Variants in KIR2DL4 observed in about 807,000 individuals in gnomAD.
KIR2DL4 encodes killer cell immunoglobulin-like receptor 2DL4.
A neutral mutation model predicts 31.0 loss-of-function variants in KIR2DL4; 41 were observed. The ratio of observed to expected loss-of-function variants is 1.32; its 90% CI spans 1.03 to 1.72. The LOEUF is 1.72. Ranked by LOEUF, KIR2DL4 falls within the 40% of genes most tolerant of loss-of-function variation. KIR2DL4 has a pLI of 0.00. For synonymous variants in KIR2DL4, 164 were observed against 133.6 expected, an observed-to-expected ratio of 1.23 and a Z score of -1.57; for missense variants, 438 against 353.7, an observed-to-expected ratio of 1.24 and a Z score of -1.91.
chr19:54,804,933 C>T (rs1214317408), exon 3 of KIR2DL4: 4 of 1,612,116 alleles, frequency 2.5e-6, no homozygotes, highest in Non-Finnish European at 3.4e-6. Flanking sequence ...TGTCCCTGAG[C>T]TCTACAACAG....
Position 54,805,278 on chromosome 19 carries a change from G to A in KIR2DL4, c.361+201G>A, listed in dbSNP as rs931165855. ...CCACATTGTAATCCTTGGAGCCTGT[G>A]ACTATGTTATAGGGCAGGGGACTGA... On this transcript the variant is annotated intron_variant, in intron 3 of 7. Coordinates refer to ENST00000359085, the Ensembl canonical transcript of KIR2DL4. 2.6e-5 allele frequency among the ~76,000 whole-genome samples: 4 copies of A among 151,444 alleles called. 1 individual carries two copies. The highest frequency in any genetic ancestry group is 9.7e-5 in the African/African-American group (4 of 41,056).
Position 54,806,126 on chromosome 19 carries a change from G to A in KIR2DL4, c.537G>A (p.Gln179=), listed in dbSNP as rs577091862. Residue 179 remains glutamine, a synonymous_variant, in exon 4 of 8, where the codon CAG becomes CAA. Coordinates refer to ENST00000359085, the Ensembl canonical transcript of KIR2DL4. Reference sequence around the variant, plus strand: ...TGCCCAGCATCAATGGAACATTCCAGGCCGACTTCCCTCTGGGTCCTGCCA... The same window carrying A: ...TGCCCAGCATCAATGGAACATTCCAAGCCGACTTCCCTCTGGGTCCTGCCA... 101 of 1,612,120 alleles carry A rather than the reference G, an allele frequency of 6.3e-5. 2 individuals are homozygous for A. The East Asian group carries it at 2.2e-3, about 35-fold the overall frequency.
In KIR2DL4 at chr19:54,805,964, A is replaced by C. The variant is rs886450454; in HGVS notation, c.375A>C (p.Lys125Asn). ...TTCTCCTTCCAGGTCTATATGAGAAACCTTCGCTTACAGCCCGGCCGGGCC... is the reference window on the plus strand; with the variant it reads ...TTCTCCTTCCAGGTCTATATGAGAACCCTTCGCTTACAGCCCGGCCGGGCC... Residue 125 changes from lysine to asparagine, a missense_variant, in exon 4 of 8, where the codon AAA (lysine) becomes AAC (asparagine). Transcript: ENST00000359085. 2.1e-4 allele frequency: 330 copies of C among 1,606,312 alleles called. 4 individuals are homozygous for C. The highest frequency in any genetic ancestry group is 2.7e-4 in the Non-Finnish European group (318 of 1,178,058).
At chr19:54,806,711 A>T (rs1176927837) in intron 4 of KIR2DL4, among the ~76,000 whole-genome samples, 2 of 151,198 alleles carry the variant, frequency 1.3e-5, no homozygotes, top group East Asian at 3.9e-4. Flanking sequence ...TCTAGGGATC[A>T]TAAATACCTT....
chr19:54,809,323 C>A (rs1332085083), intron 5 of KIR2DL4, among the ~76,000 whole-genome samples: 3 of 150,642 alleles, frequency 2.0e-5, no homozygotes, highest in East Asian at 3.9e-4. Context: ...AAGAGCTTTG[C>A]GGTAAGAGAG....
At chr19:54,809,387 C>A (rs2060718745) in intron 5 of KIR2DL4, among the ~76,000 whole-genome samples, 1 of 150,826 alleles carries the variant, frequency 6.6e-6, no homozygotes. Context: ...AGCCACTGCC[C>A]CATGCTCAGA....
chr19:54,806,460 C>G (rs1043576254), intron 4 of KIR2DL4, among the ~76,000 whole-genome samples: 8 of 151,094 alleles, frequency 5.3e-5, no homozygotes, highest in Admixed American at 1.3e-4. Flanking sequence ...GGTACCCAGG[C>G]AGATGGAGAA....
rs1211417992 is a variant in KIR2DL4, at chr19:54,810,979, C to G, written c.706+2096C>G. 1.3e-5 allele frequency among the ~76,000 whole-genome samples: 2 copies of G among 151,238 alleles called. 1 individual carries two copies. The highest frequency in any genetic ancestry group is 4.9e-5 in the African/African-American group (2 of 40,894). On this transcript the variant is annotated intron_variant, in intron 5 of 7. Transcript: ENST00000359085. ...GGAGGGCTTGCCTGGTTTGATTTTTCCTAATTGTTTAATCTTCACTTCATT... is the reference window on the plus strand; with the variant it reads ...GGAGGGCTTGCCTGGTTTGATTTTTGCTAATTGTTTAATCTTCACTTCATT...
chr19:54,803,730 T>A, intron 1 of KIR2DL4, 39 bp downstream of exon 1: 1 of 1,601,944 alleles, frequency 6.2e-7, no homozygotes, highest in Non-Finnish European at 8.5e-7. Context: ...GGTTACACTA[T>A]GGGCCTGCAG....
Position 54,803,634 on chromosome 19 carries a change from G to A in KIR2DL4, c.-18G>A, listed in dbSNP as rs1386774504. On this transcript the variant is annotated 5_prime_UTR_variant, in exon 1 of 8. Coordinates refer to ENST00000359085, the Ensembl canonical transcript of KIR2DL4. ...CAGTCGAGCCGAGTCACTGCGTCCT[G>A]GCAGCAGAAGCTGCACCATGTCCAT... 5.0e-6 allele frequency: 8 copies of A among 1,611,990 alleles called. No homozygotes were observed. The African/African-American group carries it at 8.1e-5, about 16-fold the overall frequency.
At position 54,814,380 on chromosome 19, in the gene KIR2DL4, ACGTGCTGTTCCACCTTCCCT is replaced by A. The variant is rs958908386; in HGVS notation, c.*597_*616del. Reference sequence around the variant, plus strand: ...CTCTCTCTTAACACGGCACTTAGACACGTGCTGTTCCACCTTCCCTCGTGCTGTTCCACCTTTCCTCAGAC... The same window carrying A: ...CTCTCTCTTAACACGGCACTTAGACACGTGCTGTTCCACCTTTCCTCAGAC... On this transcript the variant is annotated 3_prime_UTR_variant, in exon 8 of 8. Transcript: ENST00000359085. 29 of 483,542 alleles carry A rather than the reference ACGTGCTGTTCCACCTTCCCT, an allele frequency of 6.0e-5. 1 individual carries two copies. The highest frequency in any genetic ancestry group is 2.0e-4 in the East Asian group (5 of 25,200). The allele number at this position is 483,542 out of a possible 1,614,324, so 30.0% of individuals were successfully genotyped here.
chr19:54,804,683 AG>A, intron 2 of KIR2DL4, 109 bp from the exon 3 acceptor site: 1 of 1,190,812 alleles, frequency 8.4e-7, no homozygotes, highest in Non-Finnish European at 1.2e-6. Context: ...CCAGGCACCC[AG>A]GTGTGGTAGG....
chr19:54,808,814 CT>C lies in KIR2DL4; in HGVS notation c.656-18del. 2 of 1,544,728 alleles carry C rather than the reference CT, an allele frequency of 1.3e-6. No homozygotes were observed. The highest frequency in any genetic ancestry group is 1.8e-6 in the Non-Finnish European group (2 of 1,122,216). On this transcript the variant is annotated intron_variant, in intron 4 of 7. Coordinates refer to ENST00000359085, the Ensembl canonical transcript of KIR2DL4. ...CAGGCATCCTCATTGCCACACCTCT[CT>C]CCTGTCCCGTGTTCTAGGAAACCCT...
At chr19:54,806,530 C>T (rs1445169935) in intron 4 of KIR2DL4, among the ~76,000 whole-genome samples, 2 of 151,068 alleles carry the variant, frequency 1.3e-5, no homozygotes, top group Admixed American at 1.3e-4. Context: ...ATCAGAGGTT[C>T]CCTCAGCCCC....
At position 54,809,449 on chromosome 19, in the gene KIR2DL4, T is replaced by C. The variant is rs1040348102; in HGVS notation, c.706+566T>C. Among the ~76,000 whole-genome samples the C allele has an allele frequency of 9.9e-5, 15 of 151,050 alleles. 1 individual carries two copies. Among genetic ancestry groups the C allele is most frequent in the African/African-American group, 3.4e-4 (14 of 40,766 alleles). ...GTTGCCATAACAAATTTCCACAAGC[T>C]TCGTGGATGGAAACCACATTTTTAA... On this transcript the variant is annotated intron_variant, in intron 5 of 7. Transcript: ENST00000359085.
At chr19:54,808,969 A>G (rs1174328500) in intron 5 of KIR2DL4, 86 bp downstream of exon 5, 24 of 1,067,500 alleles carry the variant, frequency 2.2e-5, no homozygotes, top group Non-Finnish European at 3.2e-5. Flanking sequence ...AGCACCTGCC[A>G]GCTCTGTGAT....
intron 5 of KIR2DL4, among the ~76,000 whole-genome samples, chr19:54,812,575 T>A (rs3865508): frequency 2.0e-5 from 3 of 147,460 alleles, no homozygotes; most frequent in East Asian, 2.0e-4. Context: ...CTCACTGATC[T>A]GCACGCTGTA....
intron 6 of KIR2DL4, 132 bp from the exon 6 acceptor site, chr19:54,813,558 G>T: frequency 1.1e-6 from 1 of 920,272 alleles, no homozygotes. Context: ...GAGATGGAAT[G>T]TCTGAGTCTG....
intron 2 of KIR2DL4, 135 bp from the exon 3 acceptor site, chr19:54,804,658 G>T: frequency 1.1e-6 from 1 of 883,008 alleles, no homozygotes. Context: ...TGCGGGATGG[G>T]TCCTTCCTGT....
Sources: allele counts gnomAD v4.1 joint callset (sites outside exome capture counted in the v4.1 genomes callset), GRCh38; gene constraint gnomAD v4.1.1; transcripts MANE v1.5; gene names NCBI Gene and HGNC (gene_info 2026-07-23, HGNC 2026-07-21).